Variants in CLTCL1 observed in about 807,000 individuals in gnomAD.
CLTCL1 encodes the protein clathrin heavy chain 2.
Under a neutral mutation model 190.0 loss-of-function variants are expected in CLTCL1, and 159 were observed. The ratio of observed to expected loss-of-function variants is 0.84; its 90% CI spans 0.74 to 0.95. CLTCL1 has a LOEUF of 0.95. CLTCL1 is among the 40% of genes least tolerant of loss of function. CLTCL1 has a pLI of 0.00. For synonymous variants in CLTCL1, 752 were observed against 769.6 expected (o/e 0.98, Z 0.38); for missense variants, 1,878 against 2,033.4 (o/e 0.92, Z 1.47).
intron 2 of CLTCL1, among the ~76,000 whole-genome samples, chr22:19,265,696 A>T (rs1382221533): frequency 6.6e-6 from 1 of 152,178 alleles, no homozygotes; most frequent in Non-Finnish European, 1.5e-5. Context: ...CAACCACCAT[A>T]AAAATACACA....
intron 17 of CLTCL1, 71 bp from the exon 18 acceptor site, chr22:19,220,078 A>C: frequency 1.9e-6 from 3 of 1,597,476 alleles, no homozygotes; most frequent in South Asian, 2.2e-5. Context: ...GACACACCCC[A>C]ATTCGTTCCC....
intron 5 of CLTCL1, among the ~76,000 whole-genome samples, chr22:19,237,323 A>G (rs2086111636): frequency 6.6e-6 from 1 of 152,176 alleles, no homozygotes; most frequent in South Asian, 2.1e-4. Flanking sequence ...TTTTAAAAAA[A>G]GATCCCAATA....
intron 2 of CLTCL1, among the ~76,000 whole-genome samples, chr22:19,270,470 G>A (rs2087274146): frequency 6.6e-6 from 1 of 151,416 alleles, no homozygotes; most frequent in Admixed American, 6.6e-5. Context: ...GCTCATGCCT[G>A]TAATCCCAGC....
At chr22:19,210,209 G>C in intron 20 of CLTCL1, 117 bp downstream of exon 20, 1 of 952,002 alleles carries the variant, frequency 1.1e-6, no homozygotes, top group Admixed American at 2.4e-5. Flanking sequence ...AGAGCACGAA[G>C]AGATGCACTG....
intron 28 of CLTCL1, 62 bp from the exon 29 acceptor site, chr22:19,187,790 A>G: frequency 6.5e-7 from 1 of 1,541,376 alleles, no homozygotes; most frequent in Non-Finnish European, 8.9e-7. Flanking sequence ...CACATGGAGC[A>G]GGCACCTTGT....
In CLTCL1 at chr22:19,260,557, C is replaced by T. The variant is rs548299939; in HGVS notation, c.251-6330G>A. Among the ~76,000 whole-genome samples, 16 of 148,590 alleles carry T rather than the reference C, an allele frequency of 1.1e-4. No individual in the cohort carries two copies. In the South Asian group the frequency reaches 3.1e-3, roughly 29 times the overall value. On this transcript the variant is annotated intron_variant, in intron 2 of 32. Transcript: ENST00000427926. ...TTGGAAGGCTGAGGCAGGCAGATCA[C>T]TTGAGGTCAGGAGTTCGAGATCAGC...
chr22:19,230,052 G>A (rs1358700757), intron 10 of CLTCL1, 77 bp from the exon 11 acceptor site: 15 of 1,223,162 alleles, frequency 1.2e-5, no homozygotes, highest in African/African-American at 1.6e-5. Flanking sequence ...AATAGTTCCT[G>A]AAATATTATC....
intron 5 of CLTCL1, among the ~76,000 whole-genome samples, chr22:19,236,974 C>T (rs2086100522): frequency 6.6e-6 from 1 of 151,906 alleles, no homozygotes; most frequent in Admixed American, 6.6e-5. Flanking sequence ...AAAACAAGGA[C>T]AATTAGGATA....
chr22:19,225,496 C>T lies in CLTCL1; in HGVS notation c.2085G>A (p.Thr695=), dbSNP rs781919983. Residue 695 remains threonine, a synonymous_variant, in exon 13 of 33, where the codon ACG becomes ACA. Coordinates refer to ENST00000427926, the MANE Select transcript of CLTCL1 (RefSeq NM_007098.4). ...ATTCAAAGAGCTCCACCAGGGCCTG[C>T]GTGCCCAGCTGCTCGTGGTACTTAG... The part of the protein sequence containing the change: ...VASKYHEQLG[T]QALVELFESF... 47 of 1,588,026 alleles carry T rather than the reference C, an allele frequency of 3.0e-5. No homozygotes were observed. Among genetic ancestry groups the T allele is most frequent in the Middle Eastern group, 1.7e-4 (1 of 6,030 alleles).
At chr22:19,222,342 A>C (rs2145774137) in intron 15 of CLTCL1, among the ~76,000 whole-genome samples, 1 of 152,298 alleles carries the variant, frequency 6.6e-6, no homozygotes, top group East Asian at 1.9e-4. Context: ...CCTTCTAAGA[A>C]GAGGAAGAGA....
At chr22:19,284,291 T>C (rs2087824816) in intron 1 of CLTCL1, among the ~76,000 whole-genome samples, 2 of 152,232 alleles carry the variant, frequency 1.3e-5, no homozygotes, top group Non-Finnish European at 2.9e-5. Flanking sequence ...GTGCCTAGCA[T>C]ATGGATGGTA....
At chr22:19,220,115 C>G (rs2085521894) in intron 17 of CLTCL1, 108 bp from the exon 18 acceptor site, 1 of 1,373,892 alleles carries the variant, frequency 7.3e-7, no homozygotes, top group Admixed American at 1.7e-5. Context: ...GTTTGGTGGA[C>G]AGTCAGGGCC....
chr22:19,223,264 G>A (rs1183020053), intron 14 of CLTCL1, among the ~76,000 whole-genome samples: 2 of 152,118 alleles, frequency 1.3e-5, no homozygotes, highest in African/African-American at 2.4e-5. Flanking sequence ...CCCTCATGTG[G>A]TCCCGTGCCT....
intron 2 of CLTCL1, among the ~76,000 whole-genome samples, chr22:19,268,850 T>C (rs1472356081): frequency 6.6e-6 from 1 of 152,054 alleles, no homozygotes; most frequent in Non-Finnish European, 1.5e-5. Context: ...ATTCCAGCAA[T>C]TTGGGAGGCC....
chr22:19,284,432 G>T (rs890035240), intron 1 of CLTCL1, among the ~76,000 whole-genome samples: 1 of 151,816 alleles, frequency 6.6e-6, no homozygotes, highest in African/African-American at 2.4e-5. Flanking sequence ...AGGCCGAGGC[G>T]GGTGGATCAC....
rs368886208 is a variant in CLTCL1, at chr22:19,223,788, CG to C, written c.2292+102del. ...GTCCCTGGGACTAAGGGGTCCCTGG[CG>C]AGACAGATCCAGCTTCCTGCCCCTG... On this transcript the variant is annotated intron_variant, in intron 14 of 32. Coordinates refer to ENST00000427926, the MANE Select transcript of CLTCL1 (RefSeq NM_007098.4). 2.2e-6 allele frequency: 3 copies of C among 1,380,148 alleles called. No individual in the cohort carries two copies. In the African/African-American group the frequency reaches 4.3e-5, roughly 20 times the overall value. The allele number at this position is 1,380,148 out of a possible 1,614,324, so 85.5% of individuals were successfully genotyped here.
chr22:19,241,213 C>T (rs809901), intron 4 of CLTCL1, among the ~76,000 whole-genome samples: 94,165 of 152,022 alleles, frequency 0.62, 29,397 homozygotes, highest in South Asian at 0.75. Flanking sequence ...CCCCCAGCCC[C>T]TTCTCTTCTT....
chr22:19,290,395 G>T (rs1001160383), intron 1 of CLTCL1, among the ~76,000 whole-genome samples: 3 of 152,200 alleles, frequency 2.0e-5, no homozygotes, highest in Admixed American at 1.3e-4. Context: ...TCTAGTGAGT[G>T]GCAAGAGAAA....
intron 29 of CLTCL1, among the ~76,000 whole-genome samples, chr22:19,185,448 T>G (rs1224226520): frequency 6.6e-6 from 1 of 151,826 alleles, no homozygotes; most frequent in Non-Finnish European, 1.5e-5. Flanking sequence ...TGCCTCAGCC[T>G]CCTGAGTGGC....
Sources: gnomAD v4.1 joint callset for allele counts (sites outside exome capture counted in the v4.1 genomes callset) on GRCh38, gnomAD v4.1.1 for gene constraint, MANE v1.5 for transcripts, NCBI Gene and HGNC (gene_info 2026-07-23, HGNC 2026-07-21) for gene names.